The following CFAP299 variants were observed in gnomAD, a reference collection of about 807,000 sequenced individuals.
CFAP299 encodes the protein cilia- and flagella-associated protein 299.
A neutral mutation model predicts 27.0 loss-of-function variants in CFAP299; 21 were observed. That is an observed-to-expected ratio of 0.78 (90% CI 0.55 to 1.12). The LOEUF is 1.12. Ranked by LOEUF, CFAP299 falls within the 50% of genes most tolerant of loss-of-function variation. The probability of loss-of-function intolerance (pLI) is 0.00; values close to 1 mark genes in which losing one functional copy is unlikely to be tolerated. For missense variants in CFAP299, 310 were observed against 276.6 expected (o/e 1.12, Z -0.86); for synonymous variants, 104 against 98.1 (o/e 1.06, Z -0.36).
chr4:80,445,396 C>A (rs980464542), intron 2 of CFAP299, among the ~76,000 whole-genome samples: 23 of 152,142 alleles, frequency 1.5e-4, no homozygotes, highest in Non-Finnish European at 3.1e-4. Flanking sequence ...AAGCTGGAAA[C>A]TATCATTCTC....
At chr4:80,902,096 C>G (rs1734929873) in intron 4 of CFAP299, among the ~76,000 whole-genome samples, 2 of 151,860 alleles carry the variant, frequency 1.3e-5, no homozygotes, top group African/African-American at 4.8e-5. Flanking sequence ...GGTCAGGTGC[C>G]TTCCTCTTTC....
At position 80,538,010 on chromosome 4, in the gene CFAP299, A is replaced by G. The variant is rs1733827050; in HGVS notation, c.243-45083A>G. 2.0e-5 allele frequency among the ~76,000 whole-genome samples: 3 copies of G among 152,178 alleles called. No individual in the cohort carries two copies. In the South Asian group the frequency reaches 6.2e-4, roughly 32 times the overall value. ...TATGAAGACTGCAGTCATGTGCCAC[A>G]TAATCATCTTTCAGCCAATGATGGA... On this transcript the variant is annotated intron_variant, in intron 2 of 5. Transcript: ENST00000358105.
chr4:80,378,534 C>A (rs934804807), intron 2 of CFAP299, among the ~76,000 whole-genome samples: 1 of 151,354 alleles, frequency 6.6e-6, no homozygotes, highest in Non-Finnish European at 1.5e-5. Flanking sequence ...AATATGTTAG[C>A]TCTAGTGGGT....
chr4:80,666,520 A>T (rs1483342487), intron 3 of CFAP299, among the ~76,000 whole-genome samples: 1 of 152,198 alleles, frequency 6.6e-6, no homozygotes, highest in African/African-American at 2.4e-5. Flanking sequence ...AGAGTCAAGG[A>T]TATCATCATT....
At chr4:80,861,229 A>C (rs917417635) in intron 3 of CFAP299, among the ~76,000 whole-genome samples, 11 of 152,004 alleles carry the variant, frequency 7.2e-5, no homozygotes, top group African/African-American at 2.4e-5. Context: ...GCAGGATATA[A>C]TCTCCTGGTG....
intron 2 of CFAP299, among the ~76,000 whole-genome samples, chr4:80,531,747 G>GTTTTT (rs200507684): frequency 2.7e-4 from 31 of 116,462 alleles, no homozygotes; most frequent in African/African-American, 4.7e-4. Flanking sequence ...TAAGATAGAA[G>GTTTTT]TTTTTTTTTT....
chr4:80,947,689 T>C (rs1440923810), intron 5 of CFAP299, among the ~76,000 whole-genome samples: 1 of 152,112 alleles, frequency 6.6e-6, no homozygotes, highest in Admixed American at 6.6e-5. Context: ...CCATAAAAAG[T>C]CAATAGTCTA....
intron 2 of CFAP299, chr4:80,386,109 C>T: frequency 2.1e-6 from 1 of 469,706 alleles, no homozygotes; most frequent in Non-Finnish European, 3.8e-6. Flanking sequence ...GATCTCCAGT[C>T]TGCCCCCAGG....
intron 3 of CFAP299, among the ~76,000 whole-genome samples, chr4:80,818,339 G>A (rs1729529130): frequency 6.6e-6 from 1 of 151,878 alleles, no homozygotes. Context: ...GTTTTGTTTG[G>A]TTCCAAATAG....
At chr4:80,939,870 T>C (rs1043945904) in intron 4 of CFAP299, among the ~76,000 whole-genome samples, 32 of 152,192 alleles carry the variant, frequency 2.1e-4, no homozygotes, top group African/African-American at 4.6e-4. Flanking sequence ...TGCTCTTTTT[T>C]CCTCCTATGA....
At chr4:80,799,851 A>ATT (rs1728262189) in intron 3 of CFAP299, among the ~76,000 whole-genome samples, 2 of 28,662 alleles carry the variant, frequency 7.0e-5, no homozygotes, top group African/African-American at 4.2e-4. Context: ...ATTATATAAT[A>ATT]TATAAATATA....
intron 2 of CFAP299, among the ~76,000 whole-genome samples, chr4:80,399,760 A>G (rs972080206): frequency 6.6e-6 from 1 of 152,104 alleles, no homozygotes; most frequent in Non-Finnish European, 1.5e-5. Context: ...TAATAGGTGC[A>G]GCACACCAAC....
chr4:80,386,342 C>A, intron 2 of CFAP299: 1 of 1,391,576 alleles, frequency 7.2e-7, no homozygotes, highest in Admixed American at 1.9e-5. Flanking sequence ...CGATGGAAAG[C>A]TCCGCGTTCA....
intron 2 of CFAP299, among the ~76,000 whole-genome samples, chr4:80,576,215 TATAA>T (rs1735856322): frequency 1.0e-4 from 15 of 146,958 alleles, no homozygotes; most frequent in Admixed American, 6.1e-4. Flanking sequence ...TATATATATA[TATAA>T]AATCTCTTTC....
intron 3 of CFAP299, among the ~76,000 whole-genome samples, chr4:80,857,748 G>A (rs1312193731): frequency 6.6e-6 from 1 of 152,190 alleles, no homozygotes; most frequent in Non-Finnish European, 1.5e-5. Flanking sequence ...GCACCCCAGG[G>A]ATGAAGCCCA....
rs1722602589 is a variant in CFAP299 at position 80,344,022 on chromosome 4, T to C, written c.111+8143T>C. 2.0e-5 allele frequency among the ~76,000 whole-genome samples: 3 copies of C among 152,096 alleles called. No individual in the cohort carries two copies. The South Asian group carries it at 6.2e-4, about 31-fold the overall frequency. On this transcript the variant is annotated intron_variant, in intron 1 of 5. Transcript: ENST00000358105. ...GTGTGAAGAGAGAAATTTGTAGCAC[T>C]AAATGCCTGCATCAAAAGACTAAAA...
intron 1 of CFAP299, among the ~76,000 whole-genome samples, chr4:80,345,394 G>A (rs1314500449): frequency 6.6e-6 from 1 of 151,722 alleles, no homozygotes; most frequent in Non-Finnish European, 1.5e-5. Context: ...CATTTACAGT[G>A]GGTATTTCTC....
intron 2 of CFAP299, among the ~76,000 whole-genome samples, chr4:80,481,620 C>A (rs1039053): frequency 0.41 from 62,465 of 151,740 alleles, 14,703 homozygotes; most frequent in African/African-American, 0.65. Flanking sequence ...TTACAGACCT[C>A]GTCTTTATTT....
chr4:80,846,373 C>A (rs1415621708), intron 3 of CFAP299, among the ~76,000 whole-genome samples: 3 of 152,078 alleles, frequency 2.0e-5, no homozygotes, highest in Admixed American at 6.6e-5. Context: ...AGGTCAGGGT[C>A]TTACTTTGTT....
Sources: gnomAD v4.1 joint callset for allele counts (sites outside exome capture counted in the v4.1 genomes callset) on GRCh38, gnomAD v4.1.1 for gene constraint, MANE v1.5 for transcripts, NCBI Gene and HGNC (gene_info 2026-07-23, HGNC 2026-07-21) for gene names.